The following FAM83G variants were observed in gnomAD, a reference collection of about 807,000 sequenced individuals.
FAM83G encodes protein FAM83G.
Under a neutral mutation model 61.5 loss-of-function variants are expected in FAM83G, and 38 were observed. The ratio of observed to expected loss-of-function variants is 0.62; its 90% CI spans 0.48 to 0.81. FAM83G has a LOEUF of 0.81. Ranked by LOEUF, FAM83G falls within the 30% of genes least tolerant of loss-of-function variation. The pLI is 0.00. For missense variants in FAM83G, 989 were observed against 1,133.6 expected (o/e 0.87, Z 1.83); for synonymous variants, 470 against 476.1 (o/e 0.99, Z 0.17).
intron 4 of FAM83G, chr17:18,979,054 C>A: frequency 3.3e-6 from 2 of 613,430 alleles, no homozygotes; most frequent in Non-Finnish European, 5.7e-6. Context: ...CCCATTCCCA[C>A]CTCTGCAAAT....
chr17:18,989,009 C>T (rs1394834860), intron 2 of FAM83G, among the ~76,000 whole-genome samples: 5 of 152,208 alleles, frequency 3.3e-5, no homozygotes, highest in African/African-American at 7.2e-5. Context: ...GGTATGGGCC[C>T]GGCCCCAGTG....
At chr17:18,979,375 C>G (rs1004702126) in intron 4 of FAM83G, 174 bp downstream of exon 4, 46 of 792,270 alleles carry the variant, frequency 5.8e-5, no homozygotes, top group Non-Finnish European at 6.4e-5. Context: ...AGACAAAGCC[C>G]TTCTCTGCCT....
In FAM83G at chr17:19,003,866, AGGAAGTCTC is replaced by A; in HGVS notation, c.167_175del (p.Arg56_Phe58del). 1.2e-6 allele frequency: 2 copies of A among 1,612,938 alleles called. No homozygotes were observed. The highest frequency in any genetic ancestry group is 1.7e-6 in the Non-Finnish European group (2 of 1,179,922). On this transcript the variant is annotated inframe_deletion, in exon 2 of 6. Transcript: ENST00000388995. The surrounding 1 kb of genome is among the most constrained non-coding windows in gnomAD (Gnocchi z 4.5). ...GATGCGCTTGAGCTCCAGCTCCGAGAGGAAGTCTCGGATGTTCTCCCGCTTGAGCACCTC... is the reference window on the plus strand; with the variant it reads ...GATGCGCTTGAGCTCCAGCTCCGAGAGGATGTTCTCCCGCTTGAGCACCTC...
chr17:18,994,575 C>T (rs1330740800), intron 2 of FAM83G, among the ~76,000 whole-genome samples: 1 of 152,158 alleles, frequency 6.6e-6, no homozygotes, highest in African/African-American at 2.4e-5. Context: ...AGCAGAGAAC[C>T]ACCGGAAAGG....
At chr17:18,976,734 G>A in intron 5 of FAM83G, 1 of 1,362,252 alleles carries the variant, frequency 7.3e-7, no homozygotes, top group Non-Finnish European at 9.9e-7. Context: ...TTTTGGGCAG[G>A]TCAGAGGCTA....
At chr17:18,977,448 A>T (rs1027344497) in intron 5 of FAM83G, 136 bp downstream of exon 5, 3 of 896,258 alleles carry the variant, frequency 3.3e-6, no homozygotes, top group African/African-American at 1.7e-5. Context: ...CTGTTCATCA[A>T]GTTTCCCCAT....
upstream of FAM83G, among the ~76,000 whole-genome samples, chr17:19,005,827 C>T (rs1458352882): frequency 5.3e-5 from 8 of 152,224 alleles, no homozygotes; most frequent in Non-Finnish European, 1.2e-4. Context: ...CTTTATGCTA[C>T]TGAACATAGT....
At position 19,004,054 on chromosome 17, in the gene FAM83G, C is replaced by G. The variant is rs746038121; in HGVS notation, c.-13G>C. The G allele has an allele frequency of 1.3e-6, 2 of 1,569,116 alleles. No individual in the cohort carries two copies. The highest frequency in any genetic ancestry group is 1.7e-6 in the Non-Finnish European group (2 of 1,155,724). On this transcript the variant is annotated 5_prime_UTR_variant, in exon 2 of 6. Transcript: ENST00000388995. This position sits in a 1 kb window ranked among gnomAD's most constrained non-coding sequence, Gnocchi z 5.4. ...GAGAGAAGGCCATGGCGCCGCCTGC[C>G]CGGGCACTGCTGCCGGGGGTGGGTG...
Position 18,970,929 on chromosome 17 carries a change from T to C in FAM83G, c.*430A>G, listed in dbSNP as rs1021594558. On this transcript the variant is annotated 3_prime_UTR_variant, in exon 6 of 6. Transcript: ENST00000388995. ...CAAGTTTGATGCATCAGGAAGTTTC[T>C]TGTGAGATGAAGGCAGGGGGGAGCC... 4 of 1,343,910 alleles carry C rather than the reference T, an allele frequency of 3.0e-6. No individual in the cohort carries two copies. Among genetic ancestry groups the C allele is most frequent in the East Asian group, 2.4e-5 (1 of 42,546 alleles). The allele number at this position is 1,343,910 out of a possible 1,614,324, so 83.2% of individuals were successfully genotyped here.
chr17:18,996,894 T>C lies in FAM83G; in HGVS notation c.522+6626A>G, dbSNP rs1466892629. On this transcript the variant is annotated intron_variant, in intron 2 of 5. Transcript: ENST00000388995. The surrounding 1 kb of genome is among the most constrained non-coding windows in gnomAD (Gnocchi z 4.4). ...CTGACCATCAGCACTGTCTGGAAGG[T>C]TAATGCCTGGGCCTCCCTGGCTCTG... Among the ~76,000 whole-genome samples the C allele has an allele frequency of 6.6e-6, 1 of 152,196 alleles. No homozygotes were observed. The highest frequency in any genetic ancestry group is 1.5e-5 in the Non-Finnish European group (1 of 68,032).
intron 5 of FAM83G, among the ~76,000 whole-genome samples, chr17:18,973,284 A>T (rs926036087): frequency 1.4e-4 from 21 of 152,196 alleles, no homozygotes; most frequent in African/African-American, 5.1e-4. Context: ...ATCAAGGCCA[A>T]ACGAATCTGC....
chr17:18,994,182 A>C (rs1041000079), intron 2 of FAM83G, among the ~76,000 whole-genome samples: 1 of 152,224 alleles, frequency 6.6e-6, no homozygotes, highest in Non-Finnish European at 1.5e-5. Context: ...ACAGAGACGG[A>C]ATTCACCCCC....
intron 3 of FAM83G, among the ~76,000 whole-genome samples, chr17:18,981,208 G>A (rs749127426): frequency 3.3e-5 from 5 of 152,174 alleles, no homozygotes; most frequent in African/African-American, 4.8e-5. Flanking sequence ...AGGGCTGGCC[G>A]GGAGGCTCCC....
Position 18,996,582 on chromosome 17 carries a change from G to C in FAM83G, c.522+6938C>G, listed in dbSNP as rs908465199. ...GTCTCATCTTGCCTCCCAGGGTAAA[G>C]GGAGTCTGTGTACTTGGTAACAAAT... On this transcript the variant is annotated intron_variant, in intron 2 of 5. Transcript: ENST00000388995. The surrounding 1 kb of genome is among the most constrained non-coding windows in gnomAD (Gnocchi z 4.4). Among the ~76,000 whole-genome samples the C allele has an allele frequency of 1.3e-5, 2 of 152,062 alleles. No homozygotes were observed. Among genetic ancestry groups the C allele is most frequent in the African/African-American group, 2.4e-5 (1 of 41,392 alleles).
chr17:19,004,865 C>T (rs948051059), upstream of FAM83G: 12 of 151,742 alleles, frequency 7.9e-5, no homozygotes, highest in African/African-American at 2.7e-4. The surrounding 1 kb of genome is among the most constrained non-coding windows in gnomAD (Gnocchi z 5.4). Context: ...AGCTGATTCA[C>T]CCCTCGACAG....
At chr17:18,973,910 A>T (rs1198377378) in intron 5 of FAM83G, among the ~76,000 whole-genome samples, 7 of 61,200 alleles carry the variant, frequency 1.1e-4, no homozygotes, top group Admixed American at 6.7e-4. Flanking sequence ...TTTTTTTCCC[A>T]GAGACATAGT....
chr17:18,976,906 G>A, intron 5 of FAM83G: 2 of 1,613,638 alleles, frequency 1.2e-6, no homozygotes, highest in Non-Finnish European at 1.7e-6. Context: ...GCCAAGGCGG[G>A]CTCCATCCTG....
At chr17:18,976,516 G>GT (rs1244709180) in intron 5 of FAM83G, 1 of 295,242 alleles carries the variant, frequency 3.4e-6, no homozygotes, top group Non-Finnish European at 6.4e-6. Context: ...GGGTAGGGGT[G>GT]TATGTCCCCA....
In FAM83G at chr17:18,971,039, C is replaced by T. The variant is rs1489730618; in HGVS notation, c.*320G>A. 1 of 1,613,812 alleles carries T rather than the reference C, an allele frequency of 6.2e-7. No homozygotes were observed. The highest frequency in any genetic ancestry group is 8.5e-7 in the Non-Finnish European group (1 of 1,180,030). On this transcript the variant is annotated 3_prime_UTR_variant, in exon 6 of 6. Coordinates refer to ENST00000388995, the MANE Select transcript of FAM83G (RefSeq NM_001039999.3). This position sits in a 1 kb window ranked among gnomAD's most constrained non-coding sequence, Gnocchi z 5.5. ...TTTTGACCAGATCGGTGGTTACGGG[C>T]AGCTGGAGGCAGCCTACGCCCAGGC...
Sources: gnomAD v4.1 joint callset for allele counts (sites outside exome capture counted in the v4.1 genomes callset) on GRCh38, gnomAD v4.1.1 for gene constraint, Gnocchi (gnomAD v3.1) non-coding constraint, MANE v1.5 for transcripts, NCBI Gene and HGNC (gene_info 2026-07-23, HGNC 2026-07-21) for gene names.